The following HOOK3 variants were observed in gnomAD, a reference collection of about 807,000 sequenced individuals.
HOOK3 encodes hook microtubule tethering protein 3, also known as protein Hook homolog 3.
HOOK3 carries 24 observed loss-of-function variants against 116.3 expected under a neutral mutation model. The ratio of observed to expected loss-of-function variants is 0.21; its 90% CI spans 0.15 to 0.29. HOOK3 has a LOEUF of 0.29. HOOK3 is among the 10% of genes least tolerant of loss of function. The pLI is 1.00. For missense variants in HOOK3, 632 were observed against 830.2 expected (o/e 0.76, Z 2.93); for synonymous variants, 275 against 283.0 (o/e 0.97, Z 0.28).
intron 5 of HOOK3, among the ~76,000 whole-genome samples, chr8:42,948,747 A>G (rs1372693744): frequency 2.6e-5 from 4 of 152,190 alleles, no homozygotes; most frequent in African/African-American, 9.7e-5. Flanking sequence ...CTGTATTCCA[A>G]CACTCATAGG....
In HOOK3 at chr8:43,022,156, A is replaced by G; in HGVS notation, c.*3658A>G. 4.8e-6 allele frequency: 1 copy of G among 208,790 alleles called. No individual in the cohort carries two copies. Among genetic ancestry groups the G allele is most frequent in the Non-Finnish European group, 9.7e-6 (1 of 102,768 alleles). The allele number at this position is 208,790 out of a possible 1,614,324, so 12.9% of individuals were successfully genotyped here. On this transcript the variant is annotated 3_prime_UTR_variant, in exon 22 of 22. Coordinates refer to ENST00000307602, the MANE Select transcript of HOOK3 (RefSeq NM_032410.4). ...AAAGCCAAGAATAAAATTTAGCTCT[A>G]ACGGTGGCAACTCCATGTCCGGTGT...
intron 6 of HOOK3, among the ~76,000 whole-genome samples, chr8:42,956,785 T>C (rs1306417573): frequency 1.3e-5 from 2 of 152,140 alleles, no homozygotes; most frequent in Non-Finnish European, 2.9e-5. Flanking sequence ...GGTTTCTCCA[T>C]GTTGGTCAGG....
intron 11 of HOOK3, among the ~76,000 whole-genome samples, chr8:42,970,985 C>G (rs1284907273): frequency 2.0e-5 from 3 of 151,926 alleles, no homozygotes; most frequent in African/African-American, 7.3e-5. Flanking sequence ...TGGGGTTTCT[C>G]CATGTTGCCC....
At chr8:42,975,859 C>T (rs1184554643) in intron 13 of HOOK3, among the ~76,000 whole-genome samples, 1 of 152,120 alleles carries the variant, frequency 6.6e-6, no homozygotes. Context: ...GGGTGTGCCA[C>T]CACGCCCGGC....
chr8:42,998,965 C>G (rs2130469779), intron 16 of HOOK3, among the ~76,000 whole-genome samples: 1 of 152,242 alleles, frequency 6.6e-6, no homozygotes, highest in African/African-American at 2.4e-5. Flanking sequence ...AGTGAAATCA[C>G]TAGGTCCTTT....
Position 42,896,991 on chromosome 8 carries a change from G to A in HOOK3, c.-141G>A, listed in dbSNP as rs539874332. 41 of 515,420 alleles carry A rather than the reference G, an allele frequency of 8.0e-5. No homozygotes were observed. The highest frequency in any genetic ancestry group is 4.9e-4 in the South Asian group (5 of 10,140). 31.9% of individuals were successfully genotyped at this position (515,420 alleles called of 1,614,324 possible). On this transcript the variant is annotated 5_prime_UTR_variant, in exon 1 of 22. Coordinates refer to ENST00000307602, the MANE Select transcript of HOOK3 (RefSeq NM_032410.4). ...GGGTGACGGTGCGGAGCCGCTGCCAGCGCTGGGCGAGAGTCGGCGGCCGGA... is the reference window on the plus strand; with the variant it reads ...GGGTGACGGTGCGGAGCCGCTGCCAACGCTGGGCGAGAGTCGGCGGCCGGA...
chr8:42,925,231 G>A (rs1229357680), intron 2 of HOOK3, among the ~76,000 whole-genome samples: 1 of 151,882 alleles, frequency 6.6e-6, no homozygotes, highest in African/African-American at 2.4e-5. Context: ...CTCAGTAGCT[G>A]GGATTACAGG....
intron 4 of HOOK3, among the ~76,000 whole-genome samples, chr8:42,939,441 AG>A (rs1362745587): frequency 1.5e-5 from 2 of 137,402 alleles, no homozygotes; most frequent in African/African-American, 5.6e-5. Context: ...GGCCGGGCAG[AG>A]GGGCTCCTCA....
chr8:42,946,355 G>A lies in HOOK3; in HGVS notation c.400+2910G>A, dbSNP rs182735172. ...AAGAGTAATGTAAATAGTAGAAGCT[G>A]AATGTAGGAAAGACCTAGGTTATCT... On this transcript the variant is annotated intron_variant, in intron 5 of 21. Coordinates refer to ENST00000307602, the MANE Select transcript of HOOK3 (RefSeq NM_032410.4). Among the ~76,000 whole-genome samples the A allele has an allele frequency of 5.3e-5, 8 of 152,238 alleles. No individual in the cohort carries two copies. The East Asian group carries it at 7.7e-4, about 15-fold the overall frequency.
chr8:42,986,881 GCATGGTGGCTCACGCCTGTAATC>G lies in HOOK3; in HGVS notation c.1532+88_1532+110del, dbSNP rs1179057008. The G allele has an allele frequency of 1.1e-5, 15 of 1,404,628 alleles. No individual in the cohort carries two copies. In the East Asian group the frequency reaches 3.6e-4, roughly 33 times the overall value. 87.0% of individuals were successfully genotyped at this position (1,404,628 alleles called of 1,614,324 possible). A position where few individuals can be genotyped will look rare whatever the true frequency, so the allele number is the denominator to read the frequency against. ...ATCCCTTAAACAAAGAACTGGCAGG[GCATGGTGGCTCACGCCTGTAATC>G]CCAGCACTTTGGGAGGCCCAGGAGG... On this transcript the variant is annotated intron_variant, in intron 15 of 21. Transcript: ENST00000307602.
At chr8:42,965,040 C>A (rs1446428024) in intron 9 of HOOK3, among the ~76,000 whole-genome samples, 2 of 152,168 alleles carry the variant, frequency 1.3e-5, no homozygotes, top group African/African-American at 2.4e-5. Context: ...CCCACACCTG[C>A]CCCTCTGTGG....
chr8:42,964,512 T>A, intron 9 of HOOK3, 38 bp downstream of exon 9: 1 of 1,588,582 alleles, frequency 6.3e-7, no homozygotes, highest in African/African-American at 1.4e-5. Flanking sequence ...TTTTAAAAAT[T>A]TGTTAGCTGT....
At chr8:43,005,203 A>ATATG (rs1809457865) in intron 17 of HOOK3, among the ~76,000 whole-genome samples, 2 of 132,062 alleles carry the variant, frequency 1.5e-5, no homozygotes, top group Admixed American at 1.5e-4. Context: ...CTCTCTCTAT[A>ATATG]TATATATATA....
chr8:43,018,663 T>C lies in HOOK3; in HGVS notation c.*165T>C. 1 of 671,686 alleles carries C rather than the reference T, an allele frequency of 1.5e-6. No homozygotes were observed. The highest frequency in any genetic ancestry group is 2.2e-6 in the Non-Finnish European group (1 of 447,818). The allele number at this position is 671,686 out of a possible 1,614,324, so 41.6% of individuals were successfully genotyped here. On this transcript the variant is annotated 3_prime_UTR_variant, in exon 22 of 22. Transcript: ENST00000307602. Reference sequence around the variant, plus strand: ...TTTTCTCTCTCCTGTATCTTTGTTTTAGTTTCTTTGGTTTTTATTTTGTAG... The same window carrying C: ...TTTTCTCTCTCCTGTATCTTTGTTTCAGTTTCTTTGGTTTTTATTTTGTAG...
intron 5 of HOOK3, among the ~76,000 whole-genome samples, chr8:42,948,114 G>T (rs1808269746): frequency 6.6e-6 from 1 of 152,052 alleles, no homozygotes; most frequent in Admixed American, 6.6e-5. Context: ...CCAAAAAATG[G>T]TTTTTACAGA....
At chr8:42,926,829 A>G (rs935721012) in intron 3 of HOOK3, among the ~76,000 whole-genome samples, 3 of 152,186 alleles carry the variant, frequency 2.0e-5, no homozygotes, top group African/African-American at 7.2e-5. Flanking sequence ...TTGTGTAACT[A>G]CCACCACAGT....
chr8:42,961,748 G>A (rs967385079), intron 8 of HOOK3, among the ~76,000 whole-genome samples: 1 of 152,078 alleles, frequency 6.6e-6, no homozygotes, highest in African/African-American at 2.4e-5. Flanking sequence ...TTTGTTATAA[G>A]CCCCTTTGCT....
intron 16 of HOOK3, among the ~76,000 whole-genome samples, chr8:42,999,446 G>A (rs548805682): frequency 6.6e-6 from 1 of 152,226 alleles, no homozygotes; most frequent in Non-Finnish European, 1.5e-5. Flanking sequence ...ATGGCTTAGA[G>A]AAATAAGTAG....
chr8:42,967,048 A>G (rs1808644182), intron 10 of HOOK3, among the ~76,000 whole-genome samples: 1 of 151,836 alleles, frequency 6.6e-6, no homozygotes, highest in Non-Finnish European at 1.5e-5. Flanking sequence ...CTCTGCTTGT[A>G]CAGTCTCCTA....
Sources: allele counts gnomAD v4.1 joint callset (sites outside exome capture counted in the v4.1 genomes callset), GRCh38; gene constraint gnomAD v4.1.1; transcripts MANE v1.5; gene names NCBI Gene and HGNC (gene_info 2026-07-23, HGNC 2026-07-21).